Variants in DLG2 observed in about 807,000 individuals in gnomAD.
DLG2 encodes the protein disks large homolog 2.
A neutral mutation model predicts 132.5 loss-of-function variants in DLG2; 45 were observed. That is an observed-to-expected ratio of 0.34 (90% CI 0.27 to 0.44). The LOEUF (loss-of-function observed/expected upper bound fraction) is 0.44. Ranked by LOEUF, DLG2 falls within the 20% of genes least tolerant of loss-of-function variation. The pLI is 1.00. For missense variants in DLG2, 1,045 were observed against 1,196.9 expected (o/e 0.87, Z 1.87); for synonymous variants, 424 against 419.6 (o/e 1.01, Z -0.13).
chr11:85,461,552 T>C (rs1010799013), intron 3 of DLG2, among the ~76,000 whole-genome samples: 10 of 152,194 alleles, frequency 6.6e-5, no homozygotes, highest in Admixed American at 3.9e-4. Context: ...CTTGAGTACC[T>C]GTGACTGAAG....
chr11:83,683,710 T>C (rs1187720891), intron 18 of DLG2, among the ~76,000 whole-genome samples: 1 of 152,292 alleles, frequency 6.6e-6, no homozygotes, highest in East Asian at 1.9e-4. Flanking sequence ...TGGTTCTCAT[T>C]CCTGCCGTAT....
intron 7 of DLG2, among the ~76,000 whole-genome samples, chr11:84,469,726 A>AT (rs2099103799): frequency 6.6e-6 from 1 of 151,706 alleles, no homozygotes; most frequent in African/African-American, 2.4e-5. Context: ...TAACATTAAT[A>AT]TTGAAATATT....
At chr11:83,661,899 A>G (rs1217980091) in intron 18 of DLG2, among the ~76,000 whole-genome samples, 1 of 152,230 alleles carries the variant, frequency 6.6e-6, no homozygotes, top group African/African-American at 2.4e-5. Flanking sequence ...TGTAAATGAC[A>G]ACATTAACAC....
At chr11:84,990,383 G>A (rs1290742928) in intron 6 of DLG2, among the ~76,000 whole-genome samples, 1 of 152,146 alleles carries the variant, frequency 6.6e-6, no homozygotes, top group East Asian at 1.9e-4. Context: ...AATGAGATTA[G>A]TGCCCCTATA....
chr11:83,873,834 C>T (rs895491805), intron 16 of DLG2, among the ~76,000 whole-genome samples: 8 of 152,204 alleles, frequency 5.3e-5, no homozygotes, highest in Non-Finnish European at 1.0e-4. Flanking sequence ...GACCTGCTCC[C>T]TAGTACCCTT....
chr11:83,837,221 C>T (rs1244405773), intron 16 of DLG2, among the ~76,000 whole-genome samples: 1 of 152,020 alleles, frequency 6.6e-6, no homozygotes, highest in Non-Finnish European at 1.5e-5. Context: ...CTTGCTGGTT[C>T]CCATCAATAT....
chr11:84,595,747 T>A (rs1048624875), intron 6 of DLG2, among the ~76,000 whole-genome samples: 9 of 152,188 alleles, frequency 5.9e-5, no homozygotes, highest in Non-Finnish European at 8.8e-5. Flanking sequence ...TAACCATAAA[T>A]AAAGCATAAA....
At chr11:84,373,163 C>T (rs747903255) in intron 7 of DLG2, among the ~76,000 whole-genome samples, 83 of 147,604 alleles carry the variant, frequency 5.6e-4, no homozygotes, top group African/African-American at 1.7e-3. Context: ...GCAAGGCCAA[C>T]GTTCAAACTC....
chr11:83,810,982 C>G (rs549372762), intron 17 of DLG2, among the ~76,000 whole-genome samples: 3 of 152,036 alleles, frequency 2.0e-5, no homozygotes, highest in African/African-American at 7.2e-5. Context: ...CAAGTCCTGA[C>G]GCTAACTGGT....
intron 6 of DLG2, chr11:84,546,837 A>C (rs1005142768): frequency 5.0e-6 from 1 of 201,844 alleles, no homozygotes. Flanking sequence ...ACTCCGACTT[A>C]GACATGATGG....
intron 3 of DLG2, among the ~76,000 whole-genome samples, chr11:85,456,773 G>A (rs1262929760): frequency 6.6e-6 from 1 of 152,066 alleles, no homozygotes; most frequent in Non-Finnish European, 1.5e-5. Context: ...TAATTTTACG[G>A]TTTTGAGCAA....
chr11:85,101,683 T>C (rs2070868472), intron 6 of DLG2, among the ~76,000 whole-genome samples: 1 of 152,068 alleles, frequency 6.6e-6, no homozygotes, highest in Non-Finnish European at 1.5e-5. Context: ...CCATATTCTA[T>C]TAGTAGCTTT....
rs934411605 is a variant in DLG2 at position 84,087,278 on chromosome 11, C to T, written c.749+11645G>A. Reference sequence around the variant, plus strand: ...CCATTTTACAATCCCACCAGGCATGCTGAGGGTTCTGATTCTCTACATCCT... The same window carrying T: ...CCATTTTACAATCCCACCAGGCATGTTGAGGGTTCTGATTCTCTACATCCT... On this transcript the variant is annotated intron_variant, in intron 10 of 27. Coordinates refer to ENST00000376104, the MANE Select transcript of DLG2 (RefSeq NM_001142699.3). 2.0e-5 allele frequency among the ~76,000 whole-genome samples: 3 copies of T among 152,244 alleles called. No individual in the cohort carries two copies. The South Asian group carries it at 6.2e-4, about 32-fold the overall frequency.
At chr11:84,175,401 G>GGA (rs1216339458) in intron 8 of DLG2, among the ~76,000 whole-genome samples, 1 of 152,056 alleles carries the variant, frequency 6.6e-6, no homozygotes, top group Non-Finnish European at 1.5e-5. Context: ...AGAAATAAAT[G>GGA]GATTGACTCT....
At chr11:84,615,028 A>C (rs1210242645) in intron 6 of DLG2, among the ~76,000 whole-genome samples, 1 of 152,130 alleles carries the variant, frequency 6.6e-6, no homozygotes, top group African/African-American at 2.4e-5. Context: ...TTCCTCAGCC[A>C]AGCATTCAAG....
At chr11:85,164,533 T>C (rs2078284462) in intron 4 of DLG2, among the ~76,000 whole-genome samples, 1 of 152,208 alleles carries the variant, frequency 6.6e-6, no homozygotes, top group Admixed American at 6.5e-5. Context: ...ATAGAAATAG[T>C]AAATTTCTTC....
chr11:85,506,041 T>C (rs535064412), intron 3 of DLG2, among the ~76,000 whole-genome samples: 2 of 152,366 alleles, frequency 1.3e-5, no homozygotes, highest in African/African-American at 2.4e-5. Context: ...TGGTAGTTTG[T>C]ATTTCTGTGG....
chr11:83,917,046 G>A (rs1400720416), intron 15 of DLG2, among the ~76,000 whole-genome samples: 1 of 152,148 alleles, frequency 6.6e-6, no homozygotes, highest in Non-Finnish European at 1.5e-5. Context: ...GGGTCCTGAG[G>A]ATGCACTATT....
chr11:85,480,523 T>G (rs1447994048), intron 3 of DLG2, among the ~76,000 whole-genome samples: 1 of 152,212 alleles, frequency 6.6e-6, no homozygotes. Context: ...AACATTTATA[T>G]GCAACTTAAA....
Sources: gnomAD v4.1 joint callset for allele counts (sites outside exome capture counted in the v4.1 genomes callset) on GRCh38, gnomAD v4.1.1 for gene constraint, MANE v1.5 for transcripts, NCBI Gene and HGNC (gene_info 2026-07-23, HGNC 2026-07-21) for gene names.